Variants in CAMK1D observed in about 807,000 individuals in gnomAD.
The protein encoded by CAMK1D is calcium/calmodulin dependent protein kinase ID, also known as calcium/calmodulin-dependent protein kinase type 1D.
In CAMK1D, 9 loss-of-function variants were observed where a neutral mutation model predicts 47.7. The ratio of observed to expected loss-of-function variants is 0.19; its 90% confidence interval spans 0.11 to 0.33. The LOEUF is 0.33. Ranked by LOEUF, CAMK1D falls within the 10% of genes least tolerant of loss-of-function variation. The pLI is 1.00. For synonymous variants in CAMK1D, 184 were observed against 184.9 expected (o/e 0.99, Z 0.04); for missense variants, 291 against 488.7 (o/e 0.60, Z 3.81).
chr10:12,578,431 G>C (rs112659624), intron 2 of CAMK1D, among the ~76,000 whole-genome samples: 4 of 151,898 alleles, frequency 2.6e-5, no homozygotes, highest in African/African-American at 9.7e-5. Context: ...TTAGTTGGGC[G>C]TGGTGGTGCA....
chr10:12,534,802 TC>T (rs1162562405), intron 1 of CAMK1D, among the ~76,000 whole-genome samples: 1 of 152,150 alleles, frequency 6.6e-6, no homozygotes, highest in Non-Finnish European at 1.5e-5. Context: ...TTGTGGACTG[TC>T]CTCCTCCAGA....
At chr10:12,429,870 C>T (rs553761085) in intron 1 of CAMK1D, among the ~76,000 whole-genome samples, 6 of 152,238 alleles carry the variant, frequency 3.9e-5, no homozygotes, top group South Asian at 4.1e-4. Context: ...ACCGAGGATG[C>T]GTGAATGTTT....
intron 2 of CAMK1D, among the ~76,000 whole-genome samples, chr10:12,570,826 C>A (rs1435089153): frequency 6.6e-6 from 1 of 151,996 alleles, no homozygotes; most frequent in African/African-American, 2.4e-5. Context: ...TAGAGCATGC[C>A]TGTGCTTCCC....
chr10:12,734,322 C>CAA lies in CAMK1D; in HGVS notation c.300-26603_300-26602dup, dbSNP rs1201573872. On this transcript the variant is annotated intron_variant, in intron 3 of 10. Coordinates refer to ENST00000619168, the MANE Select transcript of CAMK1D (RefSeq NM_153498.4). The stretch of plus-strand genomic sequence containing the variant: ...TGGGCAACACAGCGAGACTCCATCT[C>CAA]AAAAAAAAAAAAAAAAAAAAAAAAT... Among the ~76,000 whole-genome samples the CAA allele has an allele frequency of 5.5e-4, 13 of 23,578 alleles. 2 individuals carry two copies. Among genetic ancestry groups the CAA allele is most frequent in the East Asian group, 2.7e-3 (2 of 738 alleles). The allele number at this position is 23,578 out of a possible 152,430, so 15.5% of individuals were successfully genotyped here.
At chr10:12,413,938 C>T (rs1000683911) in intron 1 of CAMK1D, among the ~76,000 whole-genome samples, 6 of 152,100 alleles carry the variant, frequency 3.9e-5, no homozygotes, top group Non-Finnish European at 2.9e-5. Flanking sequence ...ATCCCTTTTT[C>T]ACCTTAAAAT....
chr10:12,523,927 G>A (rs566523787), intron 1 of CAMK1D, among the ~76,000 whole-genome samples: 4 of 152,058 alleles, frequency 2.6e-5, no homozygotes, highest in Non-Finnish European at 4.4e-5. Flanking sequence ...TTGAGATGGA[G>A]TCTCGCTCTG....
intron 1 of CAMK1D, among the ~76,000 whole-genome samples, chr10:12,491,719 T>C (rs1834389664): frequency 6.6e-6 from 1 of 151,942 alleles, no homozygotes; most frequent in Admixed American, 6.5e-5. Flanking sequence ...CGCCGATTGC[T>C]AATTGTTGAT....
chr10:12,642,927 AT>A (rs971199738), intron 2 of CAMK1D, among the ~76,000 whole-genome samples: 4 of 151,984 alleles, frequency 2.6e-5, no homozygotes, highest in African/African-American at 4.8e-5. Flanking sequence ...CAGACCTTTT[AT>A]TTTTTTCTTA....
chr10:12,765,297 G>C (rs1042720285), intron 4 of CAMK1D, among the ~76,000 whole-genome samples: 2 of 152,134 alleles, frequency 1.3e-5, no homozygotes, highest in African/African-American at 4.8e-5. Context: ...GGTAAGGAAG[G>C]CTTTATTCAA....
chr10:12,534,714 T>A (rs1262151018), intron 1 of CAMK1D, among the ~76,000 whole-genome samples: 1 of 152,162 alleles, frequency 6.6e-6, no homozygotes, highest in Admixed American at 6.5e-5. Context: ...TATTTTTCTC[T>A]CGTCAGGGAT....
chr10:12,526,337 T>C (rs747398429), intron 1 of CAMK1D, among the ~76,000 whole-genome samples: 8 of 152,236 alleles, frequency 5.3e-5, no homozygotes, highest in Non-Finnish European at 1.0e-4. Flanking sequence ...AGTTTAATTC[T>C]CGAAGCCATG....
intron 1 of CAMK1D, among the ~76,000 whole-genome samples, chr10:12,439,367 T>C (rs2132008095): frequency 6.6e-6 from 1 of 152,324 alleles, no homozygotes; most frequent in Admixed American, 6.5e-5. Context: ...GCCACGTGTT[T>C]TTCAAAATTA....
rs118056337 is a variant in CAMK1D at position 12,489,976 on chromosome 10, C to T, written c.93-63249C>T. On this transcript the variant is annotated intron_variant, in intron 1 of 10. Transcript: ENST00000619168. ...TGTGATGTTCCCTGGCTTGAGGGAG[C>T]GTGGGGCAGGTGTGAACGGGGCAGG... is the stretch of plus-strand genomic sequence containing the variant. Among the ~76,000 whole-genome samples the T allele has an allele frequency of 5.0e-3, 762 of 152,246 alleles. 37 individuals carry two copies. The East Asian group carries it at 0.12, about 24-fold the overall frequency.
chr10:12,586,896 G>T (rs973774732), intron 2 of CAMK1D, among the ~76,000 whole-genome samples: 1 of 152,146 alleles, frequency 6.6e-6, no homozygotes, highest in African/African-American at 2.4e-5. Flanking sequence ...GTGAGAACTT[G>T]TCTGGCCTGG....
chr10:12,751,121 GATAAGAA>G (rs1835960566), intron 3 of CAMK1D, among the ~76,000 whole-genome samples: 2 of 112,534 alleles, frequency 1.8e-5, no homozygotes, highest in Admixed American at 9.2e-5. Context: ...GATAAGATAA[GATAAGAA>G]GGCTTCAGAA....
chr10:12,527,066 A>G (rs549493491), intron 1 of CAMK1D, among the ~76,000 whole-genome samples: 1 of 152,264 alleles, frequency 6.6e-6, no homozygotes, highest in Admixed American at 6.5e-5. Flanking sequence ...TCTGTAGACC[A>G]TAGAACCCTT....
In CAMK1D at chr10:12,664,449, C is replaced by G. The variant is rs572018010; in HGVS notation, c.225-2287C>G. Among the ~76,000 whole-genome samples, 6 of 152,316 alleles carry G rather than the reference C, an allele frequency of 3.9e-5. No individual in the cohort carries two copies. In the South Asian group the frequency reaches 1.0e-3, roughly 26 times the overall value. ...TAGCAGGTTAATAGGCTTTAATTCT[C>G]TATCCCGTGTATCAAAGGAGGGGAA... On this transcript the variant is annotated intron_variant, in intron 2 of 10. Coordinates refer to ENST00000619168, the MANE Select transcript of CAMK1D (RefSeq NM_153498.4).
intron 3 of CAMK1D, among the ~76,000 whole-genome samples, chr10:12,739,454 T>C (rs1354336185): frequency 6.6e-6 from 1 of 150,812 alleles, no homozygotes; most frequent in Non-Finnish European, 1.5e-5. Flanking sequence ...TTTTTTTTTT[T>C]TTTTTTTTGT....
rs1833156034 is a variant in CAMK1D, at chr10:12,694,447, G to GTTATATATCATATATAAAATATA, written c.299+27637_299+27638insTTATATATCATATATAAAATATA. Among the ~76,000 whole-genome samples the GTTATATATCATATATAAAATATA allele has an allele frequency of 5.2e-5, 3 of 57,506 alleles. 1 individual carries two copies. Among genetic ancestry groups the GTTATATATCATATATAAAATATA allele is most frequent in the African/African-American group, 1.9e-4 (3 of 15,790 alleles). 37.7% of individuals were successfully genotyped at this position (57,506 alleles called of 152,430 possible). On this transcript the variant is annotated intron_variant, in intron 3 of 10. Coordinates refer to ENST00000619168, the MANE Select transcript of CAMK1D (RefSeq NM_153498.4). ...ATGTTATATATCATATATAAAATAT[G>GTTATATATCATATATAAAATATA]AAATATATATGTTATATATCATATA...
Sources: allele counts gnomAD v4.1 joint callset (sites outside exome capture counted in the v4.1 genomes callset), GRCh38; gene constraint gnomAD v4.1.1; transcripts MANE v1.5; gene names NCBI Gene and HGNC (gene_info 2026-07-23, HGNC 2026-07-21).